USH2A: variants seen among roughly 807,000 people sequenced by gnomAD.
USH2A encodes the protein Usher syndrome 2A (autosomal recessive, mild).
In USH2A, 443 loss-of-function variants were observed where a neutral mutation model predicts 538.9. The ratio of observed to expected loss-of-function variants is 0.82; its 90% CI spans 0.76 to 0.89. USH2A has a LOEUF of 0.89. USH2A is among the 40% of genes least tolerant of loss of function. The pLI is 0.00. For missense variants in USH2A, 6,633 were observed against 6,324.8 expected, an observed-to-expected ratio of 1.05 and a Z score of -1.65; for synonymous variants, 2,413 against 2,273.5, an observed-to-expected ratio of 1.06 and a Z score of -1.75.
intron 48 of USH2A, among the ~76,000 whole-genome samples, chr1:215,816,597 G>A (rs1285899807): frequency 2.0e-5 from 3 of 151,944 alleles, no homozygotes; most frequent in Admixed American, 6.6e-5. Flanking sequence ...CATCTAATAT[G>A]AACATTAATC....
intron 11 of USH2A, among the ~76,000 whole-genome samples, chr1:216,252,987 A>T (rs1476223508): frequency 1.3e-5 from 2 of 152,190 alleles, no homozygotes; most frequent in Non-Finnish European, 1.5e-5. Context: ...CTCCAAAGAG[A>T]TAGTAAACAC....
At chr1:215,965,278 C>T (rs1295291986) in intron 37 of USH2A, 39 bp downstream of exon 37, 5 of 1,581,848 alleles carry the variant, frequency 3.2e-6, no homozygotes, top group African/African-American at 1.4e-5. Context: ...GAGTTGTTTT[C>T]TAATGTTATT....
At chr1:216,164,491 C>T (rs2034127772) in intron 21 of USH2A, among the ~76,000 whole-genome samples, 1 of 152,008 alleles carries the variant, frequency 6.6e-6, no homozygotes. Context: ...GAAAATGACA[C>T]ATAGAGAGTC....
intron 20 of USH2A, among the ~76,000 whole-genome samples, chr1:216,184,487 T>C (rs1485162813): frequency 1.3e-5 from 2 of 152,004 alleles, no homozygotes; most frequent in South Asian, 4.1e-4. Context: ...ATTTGCATGA[T>C]AATTTTTCCT....
chr1:216,163,596 A>C (rs2034106923), intron 21 of USH2A, among the ~76,000 whole-genome samples: 1 of 151,896 alleles, frequency 6.6e-6, no homozygotes, highest in Non-Finnish European at 1.5e-5. Context: ...GGTTGATGTG[A>C]TCTTTCAGCA....
At chr1:216,159,451 T>C (rs1021513754) in intron 21 of USH2A, among the ~76,000 whole-genome samples, 34 of 152,150 alleles carry the variant, frequency 2.2e-4, no homozygotes, top group African/African-American at 7.9e-4. Flanking sequence ...TTTACTATGT[T>C]AATGTGTTGA....
At chr1:216,282,967 G>A (rs1391140907) in intron 11 of USH2A, among the ~76,000 whole-genome samples, 2 of 152,012 alleles carry the variant, frequency 1.3e-5, no homozygotes, top group East Asian at 3.9e-4. Flanking sequence ...ATCTTTTGGT[G>A]ATTTTTAAAA....
intron 11 of USH2A, among the ~76,000 whole-genome samples, chr1:216,252,423 T>C (rs2036180716): frequency 6.6e-6 from 1 of 151,610 alleles, no homozygotes. Context: ...GGAAAGATAT[T>C]ATTTGATTTA....
intron 11 of USH2A, among the ~76,000 whole-genome samples, chr1:216,277,723 T>C (rs539002720): frequency 6.6e-6 from 1 of 152,256 alleles, no homozygotes; most frequent in South Asian, 2.1e-4. Context: ...ATATAACTAG[T>C]TAGCAATGTG....
At chr1:216,343,524 T>TA (rs1558046791) in intron 4 of USH2A, among the ~76,000 whole-genome samples, 2,224 of 132,738 alleles carry the variant, frequency 0.017, 62 homozygotes, top group African/African-American at 0.054. Context: ...ATACTACATC[T>TA]TAAAAAAAAA....
intron 21 of USH2A, among the ~76,000 whole-genome samples, chr1:216,157,085 G>A (rs1168908805): frequency 6.6e-6 from 1 of 151,988 alleles, no homozygotes. Flanking sequence ...TGTTGACCAG[G>A]ATGGTCTCGA....
intron 20 of USH2A, among the ~76,000 whole-genome samples, chr1:216,187,969 T>C (rs1317667395): frequency 1.3e-5 from 2 of 151,994 alleles, no homozygotes; most frequent in Non-Finnish European, 2.9e-5. Context: ...GAATAAACTC[T>C]TATTTTTGTA....
intron 58 of USH2A, among the ~76,000 whole-genome samples, chr1:215,758,111 CTG>C (rs1423073944): frequency 6.6e-6 from 1 of 151,798 alleles, no homozygotes; most frequent in East Asian, 1.9e-4. Context: ...TGGAGAAACA[CTG>C]TCTCTACTAA....
chr1:215,711,067 T>G (rs190965546), intron 61 of USH2A, among the ~76,000 whole-genome samples: 113 of 152,256 alleles, frequency 7.4e-4, no homozygotes, highest in Admixed American at 1.4e-3. Flanking sequence ...ATAAGAGAGA[T>G]AATGTTATTT....
At chr1:216,003,983 A>G (rs1207921157) in intron 32 of USH2A, among the ~76,000 whole-genome samples, 1 of 152,222 alleles carries the variant, frequency 6.6e-6, no homozygotes, top group Non-Finnish European at 1.5e-5. Context: ...CAAAGCTAAC[A>G]GGATTTCCCA....
intron 42 of USH2A, 21 bp downstream of exon 42, chr1:215,878,743 A>C (rs1475459054): frequency 1.9e-6 from 3 of 1,611,782 alleles, no homozygotes; most frequent in Non-Finnish European, 8.5e-7. Context: ...CAACATAAAA[A>C]TCATAGTCAC....
In USH2A at chr1:216,139,284, T is replaced by C. The variant is rs140658021; in HGVS notation, c.4627+35968A>G. 2.0e-4 allele frequency among the ~76,000 whole-genome samples: 30 copies of C among 152,118 alleles called. No homozygotes were observed. In the East Asian group the frequency reaches 3.3e-3, roughly 17 times the overall value. ...GAAATTGCTCCCAGGGGTTTATATCTGCCCATGTCACCACTTTGGAACAAA... is the reference window on the plus strand; with the variant it reads ...GAAATTGCTCCCAGGGGTTTATATCCGCCCATGTCACCACTTTGGAACAAA... On this transcript the variant is annotated intron_variant, in intron 21 of 71. Coordinates refer to ENST00000307340, the MANE Select transcript of USH2A (RefSeq NM_206933.4).
chr1:215,890,658 T>C (rs140387249), intron 40 of USH2A, among the ~76,000 whole-genome samples: 207 of 152,290 alleles, frequency 1.4e-3, no homozygotes, highest in African/African-American at 4.8e-3. Flanking sequence ...TTAAAACCAC[T>C]ATGCCATTTC....
chr1:216,240,013 C>CAAAAAA (rs55691066), intron 13 of USH2A, among the ~76,000 whole-genome samples: 39 of 112,276 alleles, frequency 3.5e-4, no homozygotes, highest in African/African-American at 6.6e-4. Context: ...ATGAAATAAA[C>CAAAAAA]AAAAAAAAAA....
Sources: allele counts gnomAD v4.1 joint callset (sites outside exome capture counted in the v4.1 genomes callset), GRCh38; gene constraint gnomAD v4.1.1; transcripts MANE v1.5; gene names NCBI Gene and HGNC (gene_info 2026-07-23, HGNC 2026-07-21).